Variants in SMARCA4 observed in about 807,000 individuals in gnomAD.
The protein encoded by SMARCA4 is SWI/SNF related BAF chromatin remodeling complex subunit ATPase 4.
SMARCA4 carries 31 observed loss-of-function variants against 193.9 expected under a neutral mutation model. That is an observed-to-expected ratio of 0.16 (90% CI 0.12 to 0.22). SMARCA4 has a LOEUF of 0.22. Among genes scored for constraint, SMARCA4 ranks in the 10% least tolerant of loss-of-function variants. SMARCA4 has a pLI of 1.00. For synonymous variants in SMARCA4, 942 were observed against 933.1 expected (o/e 1.01, Z -0.17); for missense variants, 1,148 against 2,296.0 (o/e 0.50, Z 10.22).
rs2075147184 is a variant in SMARCA4 at position 11,034,570 on chromosome 19, A to G, written c.3952-344A>G. On this transcript the variant is annotated intron_variant, in intron 28 of 34. Transcript: ENST00000344626. The surrounding 1 kb of genome is among the most constrained non-coding windows in gnomAD (Gnocchi z 7.0). The stretch of plus-strand genomic sequence containing the variant: ...GCCCCCTTGCCCCTGGGTGGGAAAC[A>G]GGAAATAAGCCACCCAAGCAGGGGC... Among the ~76,000 whole-genome samples the G allele has an allele frequency of 6.6e-6, 1 of 152,172 alleles. No individual in the cohort carries two copies. The highest frequency in any genetic ancestry group is 1.5e-5 in the Non-Finnish European group (1 of 68,024).
rs1160953615 is a variant in SMARCA4, at chr19:10,985,885, A to AGGATGTGGACCCCGC, written c.356-303_356-289dup. Among the ~76,000 whole-genome samples, 2 of 152,078 alleles carry AGGATGTGGACCCCGC rather than the reference A, an allele frequency of 1.3e-5. No individual in the cohort carries two copies. Among genetic ancestry groups the AGGATGTGGACCCCGC allele is most frequent in the Non-Finnish European group, 1.5e-5 (1 of 67,990 alleles). On this transcript the variant is annotated intron_variant, in intron 3 of 34. Coordinates refer to ENST00000344626, the MANE Select transcript of SMARCA4 (RefSeq NM_003072.5). The surrounding 1 kb of genome is among the most constrained non-coding windows in gnomAD (Gnocchi z 4.5). ...GTTGGGGGTGGGCCTGGCGAGCCCGAGGATGTGGACCCCGCCTGTGGACAG... is the reference window on the plus strand; with the variant it reads ...GTTGGGGGTGGGCCTGGCGAGCCCGAGGATGTGGACCCCGCGGATGTGGACCCCGCCTGTGGACAG...
chr19:11,026,798 C>G (rs1173207422), intron 23 of SMARCA4, among the ~76,000 whole-genome samples: 1 of 152,126 alleles, frequency 6.6e-6, no homozygotes, highest in African/African-American at 2.4e-5. Flanking sequence ...CGCGCCCGGC[C>G]CCATTATACA....
rs1411211614 is a variant in SMARCA4 at position 10,984,463 on chromosome 19, G to T, written c.222+90G>T. On this transcript the variant is annotated intron_variant, in intron 2 of 34. Transcript: ENST00000344626. The surrounding 1 kb of genome is among the most constrained non-coding windows in gnomAD (Gnocchi z 4.3). ...GGACCGAGGGCCTTACTTGGAGGAT[G>T]GGGGGAAGCCTTCTTGTTGGAGGTG... The T allele has an allele frequency of 9.1e-6, 14 of 1,546,606 alleles. No individual in the cohort carries two copies. Among genetic ancestry groups the T allele is most frequent in the Admixed American group, 5.9e-5 (3 of 50,944 alleles).
rs150085822 is a variant in SMARCA4, at chr19:11,047,958, TTTA to T, written c.4424+6413_4424+6415del. ...CATTTGGGGCGAAGTTACATTCTTT[TTTA>T]TTATTATTATTATTTGCCCATCATT... On this transcript the variant is annotated intron_variant, in intron 30 of 34. Transcript: ENST00000344626. Among the ~76,000 whole-genome samples, 217 of 152,152 alleles carry T rather than the reference TTTA, an allele frequency of 1.4e-3. 1 individual carries two copies. In the East Asian group the frequency reaches 0.032, roughly 23 times the overall value.
chr19:11,033,723 C>T lies in SMARCA4; in HGVS notation c.3775-44C>T, dbSNP rs756617834. On this transcript the variant is annotated intron_variant, in intron 26 of 34. Transcript: ENST00000344626. This position sits in a 1 kb window ranked among gnomAD's most constrained non-coding sequence, Gnocchi z 9.8. The stretch of plus-strand genomic sequence containing the variant: ...TTTCTAAACTGCTGGTGAAAGACGC[C>T]GGATTGACAGCCCTGGAGACTGAAG... 5 of 780,182 alleles carry T rather than the reference C, an allele frequency of 6.4e-6. No homozygotes were observed. The highest frequency in any genetic ancestry group is 1.7e-5 in the Admixed American group (1 of 58,972). 48.3% of individuals were successfully genotyped at this position (780,182 alleles called of 1,614,324 possible).
At chr19:11,007,823 G>A (rs1447432527) in intron 13 of SMARCA4, 79 bp from the exon 14 acceptor site, 4 of 1,516,174 alleles carry the variant, frequency 2.6e-6, no homozygotes, top group Non-Finnish European at 2.7e-6. Flanking sequence ...ACTTGCTTCT[G>A]AGACTGTTCT....
Position 11,041,337 on chromosome 19 carries a change from G to T in SMARCA4, c.4201G>T (p.Glu1401Ter). 6.2e-7 allele frequency: 1 copy of T among 1,612,010 alleles called. No homozygotes were observed. The highest frequency in any genetic ancestry group is 8.5e-7 in the Non-Finnish European group (1 of 1,179,990). The change falls in exon 30 of 35, where the codon GAA (glutamate) becomes TAA (stop). Residue 1401 changes from glutamate to a stop codon, truncating the protein, a stop_gained. Coordinates refer to ENST00000344626, the MANE Select transcript of SMARCA4 (RefSeq NM_003072.5). LOFTEE classifies it high-confidence loss of function. The surrounding 1 kb of genome is among the most constrained non-coding windows in gnomAD (Gnocchi z 5.6). ...CGAGGAGGGCACGCTGGAGGAGATC[G>T]AAGAGGAGGTCCGGCAGAAGAAATC... ...AIEEGTLEEI[E>*]EEVRQKKSSR...
chr19:11,016,039 A>G (rs2089324990), intron 16 of SMARCA4: 2 of 152,070 alleles, frequency 1.3e-5, no homozygotes, highest in South Asian at 2.1e-4. Flanking sequence ...TATTTGGCTC[A>G]TGATTCTGCT....
chr19:10,965,675 T>C (rs1386854163), intron 1 of SMARCA4, among the ~76,000 whole-genome samples: 4 of 152,216 alleles, frequency 2.6e-5, no homozygotes, highest in African/African-American at 9.6e-5. Flanking sequence ...TATAGCCTAT[T>C]GTTCCCAGGC....
intron 1 of SMARCA4, among the ~76,000 whole-genome samples, chr19:10,965,879 T>C (rs536533203): frequency 1.3e-5 from 2 of 151,528 alleles, no homozygotes; most frequent in South Asian, 4.2e-4. Context: ...ATTTGGTCCA[T>C]CATTGACCAA....
At position 11,027,684 on chromosome 19, in the gene SMARCA4, G is replaced by T. The variant is rs531215753; in HGVS notation, c.3216-100G>T. ...GCATGTCTGTGCCCTTGAACCCGGC[G>T]CCTGGCCTGGAGGCGGGCGATGCAC... On this transcript the variant is annotated intron_variant, in intron 23 of 34. Transcript: ENST00000344626. 16 of 1,315,156 alleles carry T rather than the reference G, an allele frequency of 1.2e-5. No homozygotes were observed. In the South Asian group the frequency reaches 1.8e-4, roughly 15 times the overall value. 81.5% of individuals were successfully genotyped at this position (1,315,156 alleles called of 1,614,324 possible).
chr19:11,053,903 C>A (rs905091119), intron 30 of SMARCA4, among the ~76,000 whole-genome samples: 1 of 152,114 alleles, frequency 6.6e-6, no homozygotes, highest in African/African-American at 2.4e-5. Context: ...AGAACAAGAT[C>A]GTGTCTGTAA....
Position 11,034,299 on chromosome 19 carries a change from G to T in SMARCA4, c.3951+99G>T. The T allele has an allele frequency of 1.0e-6, 1 of 956,406 alleles. No homozygotes were observed. Among genetic ancestry groups the T allele is most frequent in the Non-Finnish European group, 1.7e-6 (1 of 595,016 alleles). The allele number at this position is 956,406 out of a possible 1,614,324, so 59.2% of individuals were successfully genotyped here. Reference sequence around the variant, plus strand: ...AGTGCCCATGGTGGTATCCCTAGCAGGTCAGGGAGCCAGGGACAGCTCACA... The same window carrying T: ...AGTGCCCATGGTGGTATCCCTAGCATGTCAGGGAGCCAGGGACAGCTCACA... On this transcript the variant is annotated intron_variant, in intron 28 of 34. Coordinates refer to ENST00000344626, the MANE Select transcript of SMARCA4 (RefSeq NM_003072.5). The surrounding 1 kb of genome is among the most constrained non-coding windows in gnomAD (Gnocchi z 7.0).
chr19:10,987,603 A>G lies in SMARCA4; in HGVS notation c.860-63A>G, dbSNP rs2145810154. Reference sequence around the variant, plus strand: ...GCCTCAAGCAGCTCAGCAGCTTTCCATTTCCAGCCCGGGATGGGCCCCAGA... The same window carrying G: ...GCCTCAAGCAGCTCAGCAGCTTTCCGTTTCCAGCCCGGGATGGGCCCCAGA... On this transcript the variant is annotated intron_variant, in intron 5 of 34. Coordinates refer to ENST00000344626, the MANE Select transcript of SMARCA4 (RefSeq NM_003072.5). This position sits in a 1 kb window ranked among gnomAD's most constrained non-coding sequence, Gnocchi z 5.3. 9 of 1,601,244 alleles carry G rather than the reference A, an allele frequency of 5.6e-6. No homozygotes were observed. The highest frequency in any genetic ancestry group is 1.3e-5 in the African/African-American group (1 of 74,768).
rs2074889427 is a variant in SMARCA4 at position 11,030,979 on chromosome 19, C to G, written c.3546+86C>G. 8.1e-7 allele frequency: 1 copy of G among 1,233,176 alleles called. No individual in the cohort carries two copies. The allele number at this position is 1,233,176 out of a possible 1,614,324, so 76.4% of individuals were successfully genotyped here. A position where few individuals can be genotyped will look rare whatever the true frequency, so the allele number is the denominator to read the frequency against. ...GAGACGGCCCTGGCTTGAGGGTCCT[C>G]CAGCCTCCTCCACATTGTCTTGGAC... On this transcript the variant is annotated intron_variant, in intron 25 of 34. Transcript: ENST00000344626. This position sits in a 1 kb window ranked among gnomAD's most constrained non-coding sequence, Gnocchi z 5.5.
chr19:11,033,439 C>T lies in SMARCA4; in HGVS notation c.3696C>T (p.Gly1232=), dbSNP rs537004254. The change falls in exon 26 of 35, where the codon GGC becomes GGT. Residue 1232 remains glycine (G), a synonymous_variant. Transcript: ENST00000344626. This position sits in a 1 kb window ranked among gnomAD's most constrained non-coding sequence, Gnocchi z 9.8. ...LNVDQKVIQA[G]MFDQKSSSHE... is the part of the protein sequence containing the mutation. ...TGGACCAGAAGGTGATCCAGGCCGGCATGTTCGACCAGAAGTCCTCCAGCC... is the reference window on the plus strand; with the variant it reads ...TGGACCAGAAGGTGATCCAGGCCGGTATGTTCGACCAGAAGTCCTCCAGCC... 6.2e-7 allele frequency: 1 copy of T among 1,613,398 alleles called. No homozygotes were observed. The highest frequency in any genetic ancestry group is 8.5e-7 in the Non-Finnish European group (1 of 1,179,996).
chr19:11,012,933 G>T lies in SMARCA4; in HGVS notation c.2275-16G>T, dbSNP rs372868649. On this transcript the variant is annotated splice_polypyrimidine_tract_variant and intron_variant, in intron 15 of 34. Coordinates refer to ENST00000344626, the MANE Select transcript of SMARCA4 (RefSeq NM_003072.5). ...CCCGGCCTTCAGTCCTGGCGTGGCC[G>T]CATCTGTCCTTGCAGATCAAAGGTT... is the stretch of plus-strand genomic sequence containing the variant. 2.5e-6 allele frequency: 4 copies of T among 1,613,848 alleles called. No individual in the cohort carries two copies. The East Asian group carries it at 8.9e-5, about 36-fold the overall frequency.
intron 30 of SMARCA4, among the ~76,000 whole-genome samples, chr19:11,044,432 A>G (rs1416925702): frequency 6.6e-6 from 1 of 152,206 alleles, no homozygotes; most frequent in African/African-American, 2.4e-5. Flanking sequence ...AACTCCTCAT[A>G]GATGAGGAAA....
At chr19:11,009,319 CAG>C (rs1048675416) in intron 14 of SMARCA4, among the ~76,000 whole-genome samples, 3 of 151,948 alleles carry the variant, frequency 2.0e-5, no homozygotes, top group African/African-American at 7.3e-5. Context: ...CGCACCTGGC[CAG>C]AGTTACTTTT....
Sources: allele counts gnomAD v4.1 joint callset (sites outside exome capture counted in the v4.1 genomes callset), GRCh38; gene constraint gnomAD v4.1.1; non-coding constraint Gnocchi (gnomAD v3.1); transcripts MANE v1.5; gene names NCBI Gene and HGNC (gene_info 2026-07-23, HGNC 2026-07-21).